DYNC2I2: variants seen among roughly 807,000 people sequenced by gnomAD.
DYNC2I2 encodes dynein 2 intermediate chain 2.
In DYNC2I2, 39 loss-of-function variants were observed where a neutral mutation model predicts 52.0. The observed-to-expected ratio is 0.75, with a 90% CI of 0.58 to 0.98. DYNC2I2 has a LOEUF of 0.98. DYNC2I2 is among the 50% of genes least tolerant of loss of function. DYNC2I2 has a pLI of 0.00. For missense variants in DYNC2I2, 743 were observed against 728.4 expected (o/e 1.02, Z -0.23); for synonymous variants, 359 against 321.1 (o/e 1.12, Z -1.26).
Position 128,633,721 on chromosome 9 carries a change from T to G in DYNC2I2, c.*23A>C. 6.2e-7 allele frequency: 1 copy of G among 1,606,852 alleles called. No individual in the cohort carries two copies. Among genetic ancestry groups the G allele is most frequent in the Non-Finnish European group, 8.5e-7 (1 of 1,177,502 alleles). On this transcript the variant is annotated 3_prime_UTR_variant, in exon 9 of 9. Transcript: ENST00000372715. ...ACACAAGGCTCGGCACAGCGAAGGC[T>G]TGCACCCGCCTCCCGGGACCCCTCA...
rs1400659580 is a variant in DYNC2I2, at chr9:128,651,456, C to A, written c.186+5085G>T. The A allele has an allele frequency of 7.2e-5, 4 of 55,580 alleles. 2 individuals carry two copies. Among genetic ancestry groups the A allele is most frequent in the Non-Finnish European group, 3.1e-4 (4 of 13,112 alleles). 3.4% of individuals were successfully genotyped at this position (55,580 alleles called of 1,614,324 possible). On this transcript the variant is annotated intron_variant, in intron 1 of 8. Transcript: ENST00000372715. Reference sequence around the variant, plus strand: ...CTGACGCAGGAGAATCGCTTAAACCCGGGAGGCAGAGGTCGCAGTGAGCCA... The same window carrying A: ...CTGACGCAGGAGAATCGCTTAAACCAGGGAGGCAGAGGTCGCAGTGAGCCA...
At chr9:128,634,977 C>CAG in intron 6 of DYNC2I2, 56 bp from the exon 7 acceptor site, 1 of 1,593,068 alleles carries the variant, frequency 6.3e-7, no homozygotes. Context: ...TGGCACTGTC[C>CAG]CAACAGAGCC....
In DYNC2I2 at chr9:128,634,923, T is replaced by A. The variant is rs587777095; in HGVS notation, c.982-2A>T. 6.2e-7 allele frequency: 1 copy of A among 1,611,454 alleles called. No individual in the cohort carries two copies. Among genetic ancestry groups the A allele is most frequent in the African/African-American group, 1.3e-5 (1 of 74,868 alleles). ...CACCTCGGTCTCCCCGCGGGGATGC[T>A]GTGGAGAAATGGCAGCAGCAGGGTC... is the stretch of plus-strand genomic sequence containing the variant. On this transcript the variant is annotated splice_acceptor_variant, in intron 6 of 8. Transcript: ENST00000372715. LOFTEE classifies it high-confidence loss of function.
At chr9:128,635,947 G>A (rs1589429541) in intron 4 of DYNC2I2, 180 bp from the exon 5 acceptor site, 1 of 688,830 alleles carries the variant, frequency 1.5e-6, no homozygotes, top group East Asian at 2.7e-5. Context: ...TTGTACCCCA[G>A]GGAGCTTTGC....
chr9:128,634,690 T>C lies in DYNC2I2; in HGVS notation c.1213A>G (p.Arg405Gly), dbSNP rs1341174847. Reference sequence around the variant, plus strand: ...GTGCCCCAGGCCTGCCCTACGTACCTGTGGAAGGGGGAACAGCTCACAGAG... The same window carrying C: ...GTGCCCCAGGCCTGCCCTACGTACCCGTGGAAGGGGGAACAGCTCACAGAG... ...IYSVSCSPFH[R>G]NLFLSAGTDG... is the part of the protein sequence containing the mutation. Residue 405 changes from arginine to glycine, a missense_variant and splice_region_variant, in exon 7 of 9, where the codon AGG becomes GGG. Coordinates refer to ENST00000372715, the MANE Select transcript of DYNC2I2 (RefSeq NM_052844.4). 2 of 1,555,732 alleles carry C rather than the reference T, an allele frequency of 1.3e-6. No homozygotes were observed. Among genetic ancestry groups the C allele is most frequent in the East Asian group, 2.3e-5 (1 of 42,626 alleles).
chr9:128,656,189 G>A (rs1193672424), intron 1 of DYNC2I2, among the ~76,000 whole-genome samples: 1 of 150,398 alleles, frequency 6.6e-6, no homozygotes, highest in Non-Finnish European at 1.5e-5. Flanking sequence ...CAGCCTGGGC[G>A]ACAGAGCGAG....
rs1281341004 is a variant in DYNC2I2 at position 128,634,316 on chromosome 9, A to C, written c.1282T>G (p.Leu428Val). The change falls in exon 8 of 9, where the codon TTG becomes GTG. Residue 428 changes from leucine (L) to valine (V), a missense_variant. By Grantham distance (32) the Leu-to-Val change is conservative (BLOSUM62 1). Transcript: ENST00000372715. ...HLYSMLQAPP[L>V]TSLQLSLKYL... ...TTGAGGGAGAGCTGCAGCGAAGTCA[A>C]GGGAGGGGCCTGCAGCATGGAGTAC... The C allele has an allele frequency of 3.7e-6, 6 of 1,613,482 alleles. No homozygotes were observed. Among genetic ancestry groups the C allele is most frequent in the Non-Finnish European group, 5.1e-6 (6 of 1,179,804 alleles).
the DYNC2I2 span, among the ~76,000 whole-genome samples, chr9:128,669,236 G>T: frequency 1.3e-5 from 2 of 151,990 alleles, no homozygotes; most frequent in African/African-American, 4.8e-5. Flanking sequence ...GTGGTGGCAT[G>T]CGCCTGTAGT....
chr9:128,645,082 G>A (rs548723130), intron 1 of DYNC2I2, among the ~76,000 whole-genome samples: 98 of 152,146 alleles, frequency 6.4e-4, no homozygotes, highest in Non-Finnish European at 1.3e-3. Context: ...CAGGCGCAGT[G>A]GCTCATGCCT....
At chr9:128,635,549 G>A in intron 5 of DYNC2I2, 109 bp downstream of exon 5, 1 of 1,020,322 alleles carries the variant, frequency 9.8e-7, no homozygotes. Flanking sequence ...CGAGAATGCA[G>A]GAGGCAGCTG....
the DYNC2I2 span, among the ~76,000 whole-genome samples, chr9:128,678,869 AGCATCCTG>A: frequency 6.6e-6 from 1 of 152,100 alleles, no homozygotes; most frequent in Admixed American, 6.5e-5. Context: ...GGAGATGGAG[AGCATCCTG>A]GCTAACATGG....
intron 3 of DYNC2I2, 58 bp from the exon 4 acceptor site, chr9:128,636,496 C>A: frequency 6.5e-7 from 1 of 1,532,800 alleles, no homozygotes; most frequent in Non-Finnish European, 8.8e-7. Context: ...TATCACCCAC[C>A]CCACCTCTCT....
At chr9:128,658,280 C>T (rs530019465), upstream of DYNC2I2, among the ~76,000 whole-genome samples, 1 of 151,660 alleles carries the variant, frequency 6.6e-6, no homozygotes, top group African/African-American at 2.4e-5. Context: ...ATTCTCATGC[C>T]TCAGCCTCCC....
chr9:128,641,782 C>A (rs1254698803), intron 1 of DYNC2I2, among the ~76,000 whole-genome samples: 1 of 152,072 alleles, frequency 6.6e-6, no homozygotes, highest in Admixed American at 6.6e-5. Context: ...GCAGGACTCA[C>A]CAGGACAGTT....
At chr9:128,637,740 G>C in intron 2 of DYNC2I2, among the ~76,000 whole-genome samples, 1 of 152,168 alleles carries the variant, frequency 6.6e-6, no homozygotes, top group Non-Finnish European at 1.5e-5. Flanking sequence ...GCTGTGCCTG[G>C]CTGCCCACGA....
chr9:128,679,079 A>C, the DYNC2I2 span, among the ~76,000 whole-genome samples: 1 of 152,040 alleles, frequency 6.6e-6, no homozygotes, highest in Non-Finnish European at 1.5e-5. Flanking sequence ...AAAATAGATA[A>C]ATAAATAAAT....
At chr9:128,635,307 C>T (rs1449355075) in intron 5 of DYNC2I2, 48 bp from the exon 6 acceptor site, 3 of 1,581,810 alleles carry the variant, frequency 1.9e-6, no homozygotes, top group South Asian at 2.3e-5. Context: ...GGACACCTGC[C>T]CAGGTGTCAC....
At chr9:128,682,115 C>T in the DYNC2I2 span, among the ~76,000 whole-genome samples, 2 of 150,890 alleles carry the variant, frequency 1.3e-5, no homozygotes, top group South Asian at 4.2e-4. Flanking sequence ...CTGGCGCAAT[C>T]TCCACTCACT....
intron 1 of DYNC2I2, among the ~76,000 whole-genome samples, chr9:128,656,278 A>C (rs1224597534): frequency 6.6e-6 from 1 of 152,134 alleles, no homozygotes; most frequent in East Asian, 1.9e-4. Flanking sequence ...TTCACACAAA[A>C]TCCTTCAAAA....
Sources: allele counts gnomAD v4.1 joint callset (sites outside exome capture counted in the v4.1 genomes callset), GRCh38; gene constraint gnomAD v4.1.1; transcripts MANE v1.5; gene names NCBI Gene and HGNC (gene_info 2026-07-23, HGNC 2026-07-21).